Variants in ARHGAP6 observed in about 807,000 individuals in gnomAD.
ARHGAP6 encodes the protein Rho GTPase activating protein 6.
ARHGAP6 carries 16 observed loss-of-function variants against 55.7 expected under a neutral mutation model. That is an observed-to-expected ratio of 0.29 (90% CI 0.19 to 0.44). The LOEUF is 0.44. Ranked by LOEUF, ARHGAP6 falls within the 20% of genes least tolerant of loss-of-function variation. The pLI, the probability that ARHGAP6 is intolerant of heterozygous loss-of-function variation, is 1.00. For missense variants in ARHGAP6, 698 were observed against 808.9 expected, an observed-to-expected ratio of 0.86 and a Z score of 1.66; for synonymous variants, 382 against 360.9, an observed-to-expected ratio of 1.06 and a Z score of -0.66.
intron 1 of ARHGAP6, among the ~76,000 whole-genome samples, chrX:11,384,034 T>C (rs1407942059): frequency 9.0e-6 from 1 of 110,577 alleles, no homozygotes; most frequent in African/African-American, 3.3e-5. Flanking sequence ...CATATTGATT[T>C]ATAGAAAAAA....
chrX:11,628,890 C>T (rs1003663347), intron 1 of ARHGAP6, among the ~76,000 whole-genome samples: 2 of 112,044 alleles, frequency 1.8e-5, no homozygotes, highest in Non-Finnish European at 3.8e-5. Context: ...ACTAATCATT[C>T]CATAATGTCC....
At chrX:11,204,420 T>C (rs1470351006) in intron 2 of ARHGAP6, among the ~76,000 whole-genome samples, 2 of 111,814 alleles carry the variant, frequency 1.8e-5, no homozygotes, top group East Asian at 5.6e-4. Flanking sequence ...GCCAATATCA[T>C]GGGGAGACTG....
intron 4 of ARHGAP6, 59 bp downstream of exon 4, chrX:11,188,667 AAT>A (rs2046416850): frequency 2.6e-6 from 3 of 1,158,541 alleles, no homozygotes; most frequent in Non-Finnish European, 3.5e-6. Context: ...AAACGCAAAG[AAT>A]AACTGTACAT....
chrX:11,307,863 G>A (rs761201951), intron 1 of ARHGAP6, among the ~76,000 whole-genome samples: 2 of 111,763 alleles, frequency 1.8e-5, no homozygotes, highest in South Asian at 7.5e-4. Flanking sequence ...CACATTAGTT[G>A]ATTTGATAGT....
chrX:11,341,351 C>T (rs183806684), intron 1 of ARHGAP6, among the ~76,000 whole-genome samples: 8 of 111,044 alleles, frequency 7.2e-5, no homozygotes, highest in African/African-American at 2.6e-4. Context: ...AAAGTACTGA[C>T]TCAAAACATA....
intron 1 of ARHGAP6, among the ~76,000 whole-genome samples, chrX:11,429,938 C>T (rs1379350713): frequency 8.9e-6 from 1 of 112,102 alleles, no homozygotes; most frequent in Admixed American, 9.4e-5. Flanking sequence ...ATGGCCTAGA[C>T]AAGCCCCAGT....
intron 1 of ARHGAP6, among the ~76,000 whole-genome samples, chrX:11,479,005 C>T (rs1173796796): frequency 1.8e-5 from 2 of 112,090 alleles, no homozygotes; most frequent in Non-Finnish European, 3.8e-5. Flanking sequence ...CATGCAAAAG[C>T]TCCAGGCAGG....
At chrX:11,452,365 C>T (rs994397111) in intron 1 of ARHGAP6, among the ~76,000 whole-genome samples, 22 of 111,374 alleles carry the variant, frequency 2.0e-4, no homozygotes, top group Non-Finnish European at 1.5e-4. Context: ...CCAGGCTGGT[C>T]TCAAACTCCT....
chrX:11,551,394 A>C (rs2051264923), intron 1 of ARHGAP6, among the ~76,000 whole-genome samples: 1 of 111,794 alleles, frequency 8.9e-6, no homozygotes, highest in African/African-American at 3.3e-5. Context: ...TACTCAGTTA[A>C]AGTTTTACTA....
intron 6 of ARHGAP6, among the ~76,000 whole-genome samples, chrX:11,180,969 A>G (rs150013054): frequency 0.025 from 2,818 of 112,472 alleles, 93 homozygotes; most frequent in African/African-American, 0.087. Context: ...AAACTGTGTG[A>G]TCTTGAATTA....
At chrX:11,351,937 A>C (rs917499667) in intron 1 of ARHGAP6, among the ~76,000 whole-genome samples, 2 of 112,685 alleles carry the variant, frequency 1.8e-5, no homozygotes, top group Non-Finnish European at 3.7e-5. Flanking sequence ...TTCTGGAAAT[A>C]CTTGAGTGAT....
chrX:11,397,836 G>A (rs1318197695), intron 1 of ARHGAP6, among the ~76,000 whole-genome samples: 2 of 111,505 alleles, frequency 1.8e-5, no homozygotes, highest in South Asian at 3.8e-4. Context: ...GTGAGCCAAG[G>A]TCACACCACT....
At chrX:11,474,804 G>T (rs962174443) in intron 1 of ARHGAP6, among the ~76,000 whole-genome samples, 1 of 110,943 alleles carries the variant, frequency 9.0e-6, no homozygotes, top group Non-Finnish European at 1.9e-5. Flanking sequence ...TGCCATTTTT[G>T]CAGTAGTGAG....
At chrX:11,526,902 T>G (rs1376370224) in intron 1 of ARHGAP6, among the ~76,000 whole-genome samples, 1 of 110,675 alleles carries the variant, frequency 9.0e-6, no homozygotes, top group East Asian at 2.8e-4. Context: ...CTATGAGAGG[T>G]TAAAATGGAG....
At chrX:11,224,671 G>A (rs757019810) in intron 2 of ARHGAP6, among the ~76,000 whole-genome samples, 11 of 109,899 alleles carry the variant, frequency 1.0e-4, no homozygotes, top group African/African-American at 3.3e-4. Context: ...GAGGGGGGGC[G>A]GTTATGATGA....
intron 1 of ARHGAP6, among the ~76,000 whole-genome samples, chrX:11,645,881 G>C (rs1421258428): frequency 1.8e-5 from 2 of 112,039 alleles, no homozygotes; most frequent in Non-Finnish European, 3.8e-5. Flanking sequence ...AAATGATGTT[G>C]TTAATTATTA....
intron 1 of ARHGAP6, among the ~76,000 whole-genome samples, chrX:11,453,282 T>TA (rs2050163185): frequency 2.0e-5 from 2 of 97,774 alleles, no homozygotes; most frequent in Admixed American, 2.4e-4. Flanking sequence ...ATATATATAC[T>TA]ATATATATAC....
intron 8 of ARHGAP6, among the ~76,000 whole-genome samples, chrX:11,170,733 T>A (rs1353908046): frequency 9.0e-6 from 1 of 111,039 alleles, no homozygotes; most frequent in Non-Finnish European, 1.9e-5. Flanking sequence ...AAGGATCTTG[T>A]GTTTTAACAA....
At chrX:11,279,966 T>C (rs1386455583) in intron 1 of ARHGAP6, among the ~76,000 whole-genome samples, 1 of 111,446 alleles carries the variant, frequency 9.0e-6, no homozygotes. Context: ...GGGGTGATTC[T>C]GCCCCTCAAG....
Sources: allele counts gnomAD v4.1 joint callset (sites outside exome capture counted in the v4.1 genomes callset), GRCh38; gene constraint gnomAD v4.1.1; transcripts MANE v1.5; gene names NCBI Gene and HGNC (gene_info 2026-07-23, HGNC 2026-07-21).